The following MAPK8 variants were observed in gnomAD, a reference collection of about 807,000 sequenced individuals.
The protein encoded by MAPK8 is mitogen-activated protein kinase 8.
MAPK8 carries 13 observed loss-of-function variants against 52.9 expected under a neutral mutation model. The ratio of observed to expected loss-of-function variants is 0.25; its 90% CI spans 0.16 to 0.39. MAPK8 has a LOEUF of 0.39. Among genes scored for constraint, MAPK8 ranks in the 10% least tolerant of loss-of-function variants. MAPK8 has a pLI of 1.00. For missense variants in MAPK8, 300 were observed against 519.2 expected, an observed-to-expected ratio of 0.58 and a Z score of 4.10; for synonymous variants, 191 against 169.8, an observed-to-expected ratio of 1.12 and a Z score of -0.97.
chr10:48,322,550 T>C (rs1843102469), intron 1 of MAPK8, among the ~76,000 whole-genome samples: 1 of 152,154 alleles, frequency 6.6e-6, no homozygotes, highest in Non-Finnish European at 1.5e-5. Context: ...CTACGAAGGC[T>C]GGTCTATTTT....
chr10:48,389,078 A>C (rs751520415), intron 1 of MAPK8, among the ~76,000 whole-genome samples: 24 of 152,276 alleles, frequency 1.6e-4, no homozygotes, highest in Non-Finnish European at 3.4e-4. Context: ...TGTTGTTGGA[A>C]TAGGCCTTCT....
chr10:48,385,552 A>C (rs966261646), intron 1 of MAPK8, among the ~76,000 whole-genome samples: 1 of 152,202 alleles, frequency 6.6e-6, no homozygotes, highest in South Asian at 2.1e-4. Context: ...ATTTATACAG[A>C]AAAAAATTTT....
At chr10:48,317,735 G>C (rs920837073) in intron 1 of MAPK8, among the ~76,000 whole-genome samples, 3 of 152,158 alleles carry the variant, frequency 2.0e-5, no homozygotes, top group Non-Finnish European at 4.4e-5. Flanking sequence ...TTGCGAGGAA[G>C]TTTGGAAGTT....
In MAPK8 at chr10:48,409,385, T is replaced by C. The variant is rs73309915; in HGVS notation, c.253-494T>C. ...TTCAGTGTTACCTTATTTTGTGAGA[T>C]GTCCATGCAAAAAGTGAAAAGAAAT... On this transcript the variant is annotated intron_variant, in intron 3 of 11. Transcript: ENST00000374189. Among the ~76,000 whole-genome samples, 530 of 152,270 alleles carry C rather than the reference T, an allele frequency of 3.5e-3. 5 individuals carry two copies. The highest frequency in any genetic ancestry group is 0.012 in the African/African-American group (517 of 41,550).
At chr10:48,424,031 T>A in intron 6 of MAPK8, 57 bp from the exon 7 acceptor site, 1 of 1,416,012 alleles carries the variant, frequency 7.1e-7, no homozygotes, top group Non-Finnish European at 9.8e-7. Context: ...ATTATGCTTC[T>A]TTGATTTTAA....
intron 1 of MAPK8, among the ~76,000 whole-genome samples, chr10:48,373,570 GCAAAAAAAAAA>G (rs2040457343): frequency 5.8e-4 from 1 of 1,730 alleles, no homozygotes. Flanking sequence ...TAAATTGAAA[GCAAAAAAAAAA>G]AAAAAAAAAA....
intron 1 of MAPK8, among the ~76,000 whole-genome samples, chr10:48,369,474 G>A (rs182607535): frequency 2.6e-5 from 4 of 152,316 alleles, no homozygotes; most frequent in African/African-American, 7.2e-5. Context: ...CAGAGTTTGA[G>A]ATAGCCTCAA....
chr10:48,416,916 AC>A (rs2133153139), intron 5 of MAPK8, among the ~76,000 whole-genome samples: 1 of 152,194 alleles, frequency 6.6e-6, no homozygotes, highest in African/African-American at 2.4e-5. Flanking sequence ...AGGGCTGCTC[AC>A]CTTTCTCAGC....
chr10:48,427,073 T>C lies in MAPK8; in HGVS notation c.997-7T>C. On this transcript the variant is annotated splice_region_variant and splice_polypyrimidine_tract_variant and intron_variant, in intron 9 of 11. Coordinates refer to ENST00000374189, the MANE Select transcript of MAPK8 (RefSeq NM_001323329.2). ...TGACTTGGTTATTATTGCCTTGTGT[T>C]TTTCAGCCACCACCAAAGATCCCTG... 1.9e-6 allele frequency: 3 copies of C among 1,612,178 alleles called. No homozygotes were observed. The highest frequency in any genetic ancestry group is 2.5e-6 in the Non-Finnish European group (3 of 1,178,642).
intron 1 of MAPK8, among the ~76,000 whole-genome samples, chr10:48,320,251 A>G (rs1196730116): frequency 1.4e-4 from 10 of 70,070 alleles, no homozygotes; most frequent in Admixed American, 6.5e-4. Context: ...TTTAAATTAG[A>G]TCAGGTCTTG....
intron 1 of MAPK8, among the ~76,000 whole-genome samples, chr10:48,324,838 C>A (rs541608915): frequency 6.6e-6 from 1 of 152,276 alleles, no homozygotes; most frequent in South Asian, 2.1e-4. Context: ...ATCAGCAGAT[C>A]AGTGAGATGA....
intron 1 of MAPK8, among the ~76,000 whole-genome samples, chr10:48,315,601 G>GT (rs61500340): frequency 0.54 from 76,280 of 141,182 alleles, 20,348 homozygotes; most frequent in Middle Eastern, 0.75. Context: ...ATATATTTAA[G>GT]TTTTTTTTTT....
intron 1 of MAPK8, among the ~76,000 whole-genome samples, chr10:48,380,720 A>C (rs1230721948): frequency 6.6e-6 from 1 of 152,232 alleles, no homozygotes; most frequent in African/African-American, 2.4e-5. Context: ...GCGACAGAGC[A>C]GGGCTCCCAT....
intron 1 of MAPK8, among the ~76,000 whole-genome samples, chr10:48,364,688 C>T (rs1465961160): frequency 6.6e-6 from 1 of 152,046 alleles, no homozygotes; most frequent in Non-Finnish European, 1.5e-5. Context: ...TTTGTGATAT[C>T]AAGGGTTGTT....
intron 5 of MAPK8, among the ~76,000 whole-genome samples, chr10:48,418,209 C>T (rs746831308): frequency 4.6e-5 from 7 of 152,156 alleles, no homozygotes; most frequent in African/African-American, 7.2e-5. Flanking sequence ...TTTGTTACTA[C>T]GTAACCTAGA....
At chr10:48,352,350 TA>T (rs1464645869) in intron 1 of MAPK8, among the ~76,000 whole-genome samples, 2 of 152,008 alleles carry the variant, frequency 1.3e-5, no homozygotes, top group Non-Finnish European at 2.9e-5. Flanking sequence ...AACTCCTTTT[TA>T]AGTATAGATG....
chr10:48,311,072 A>G (rs1159217359), intron 1 of MAPK8, among the ~76,000 whole-genome samples: 2 of 152,126 alleles, frequency 1.3e-5, no homozygotes, highest in Non-Finnish European at 2.9e-5. Flanking sequence ...TTATCTGTCA[A>G]ATGAGAATAA....
chr10:48,409,782 C>T, intron 3 of MAPK8, 97 bp from the exon 4 acceptor site: 1 of 780,894 alleles, frequency 1.3e-6, no homozygotes, highest in Admixed American at 2.7e-5. Context: ...AGATTTTAAA[C>T]TGATGGTAGT....
At chr10:48,323,585 T>C (rs1843194905) in intron 1 of MAPK8, among the ~76,000 whole-genome samples, 1 of 152,264 alleles carries the variant, frequency 6.6e-6, no homozygotes, top group Admixed American at 6.5e-5. Context: ...TCTTCATTTA[T>C]GTATGAAAAT....
Sources: allele counts gnomAD v4.1 joint callset (sites outside exome capture counted in the v4.1 genomes callset), GRCh38; gene constraint gnomAD v4.1.1; transcripts MANE v1.5; gene names NCBI Gene and HGNC (gene_info 2026-07-23, HGNC 2026-07-21).